The following HPSE2 variants were observed in gnomAD, a reference collection of about 807,000 sequenced individuals.
HPSE2 encodes the protein inactive heparanase-2.
Under a neutral mutation model 60.5 loss-of-function variants are expected in HPSE2, and 38 were observed. The observed-to-expected ratio is 0.63, with a 90% CI of 0.48 to 0.82. The LOEUF is 0.82. Among genes scored for constraint, HPSE2 ranks in the 40% least tolerant of loss-of-function variants. The pLI, the probability that HPSE2 is intolerant of heterozygous loss-of-function variation, is 0.00. For missense variants in HPSE2, 713 were observed against 740.4 expected (o/e 0.96, Z 0.43); for synonymous variants, 295 against 293.2 (o/e 1.01, Z -0.06).
At chr10:98,818,283 C>T (rs1951338496) in intron 3 of HPSE2, among the ~76,000 whole-genome samples, 1 of 152,132 alleles carries the variant, frequency 6.6e-6, no homozygotes, top group Non-Finnish European at 1.5e-5. Flanking sequence ...TCTTGGAAGA[C>T]AATTTTTTCC....
At chr10:98,798,775 A>G (rs1160597183) in intron 3 of HPSE2, among the ~76,000 whole-genome samples, 1 of 152,184 alleles carries the variant, frequency 6.6e-6, no homozygotes, top group Non-Finnish European at 1.5e-5. Flanking sequence ...GTATCACCAG[A>G]GAAAATCACC....
intron 3 of HPSE2, among the ~76,000 whole-genome samples, chr10:98,796,581 C>T (rs774116633): frequency 2.0e-5 from 3 of 152,176 alleles, no homozygotes; most frequent in Non-Finnish European, 4.4e-5. Flanking sequence ...CTGAACCTGC[C>T]TGGGGTCTGG....
chr10:98,567,215 G>A (rs1944372152), intron 9 of HPSE2, among the ~76,000 whole-genome samples: 1 of 152,218 alleles, frequency 6.6e-6, no homozygotes, highest in Non-Finnish European at 1.5e-5. Context: ...GAGACAGGAT[G>A]AGGTGTAAGG....
Position 98,641,988 on chromosome 10 carries a change from T to C in HPSE2, c.1005-48A>G, listed in dbSNP as rs693656. 0.25 allele frequency: 367,192 copies of C among 1,473,170 alleles called. 51,746 individuals carry two copies. The highest frequency in any genetic ancestry group is 0.52 in the East Asian group (23,184 of 44,172). 91.3% of individuals were successfully genotyped at this position (1,473,170 alleles called of 1,614,324 possible). On this transcript the variant is annotated intron_variant, in intron 6 of 11. Coordinates refer to ENST00000370552, the MANE Select transcript of HPSE2 (RefSeq NM_021828.5). ...ATCAGATAAAATCTCAAGCAAGGGA[T>C]TATAAATACACTTCTCTAGCCCAAG...
At chr10:98,546,634 A>G (rs1358651056) in intron 9 of HPSE2, among the ~76,000 whole-genome samples, 2 of 151,156 alleles carry the variant, frequency 1.3e-5, no homozygotes, top group African/African-American at 2.4e-5. Context: ...CCTTCCTTAC[A>G]CCTTACACAA....
At chr10:98,527,908 C>T (rs376796146) in intron 9 of HPSE2, among the ~76,000 whole-genome samples, 15 of 152,134 alleles carry the variant, frequency 9.9e-5, no homozygotes, top group South Asian at 2.1e-4. Context: ...TCTACAGCCA[C>T]GGAGCTAATG....
At chr10:99,249,822 G>A in the HPSE2 span, among the ~76,000 whole-genome samples, 1 of 152,086 alleles carries the variant, frequency 6.6e-6, no homozygotes, top group African/African-American at 2.4e-5. Flanking sequence ...GTGATAGTGG[G>A]TGAGTTCTCA....
intron 5 of HPSE2, among the ~76,000 whole-genome samples, chr10:98,703,793 C>G (rs1431450712): frequency 3.9e-5 from 6 of 152,196 alleles, no homozygotes; most frequent in African/African-American, 1.4e-4. Flanking sequence ...CTATGTGTGA[C>G]AAACCTACAG....
chr10:98,910,937 C>A (rs1953960521), intron 3 of HPSE2, among the ~76,000 whole-genome samples: 1 of 152,168 alleles, frequency 6.6e-6, no homozygotes, highest in African/African-American at 2.4e-5. Flanking sequence ...CACCCTCTAT[C>A]TGAGGAAATT....
intron 8 of HPSE2, among the ~76,000 whole-genome samples, chr10:98,617,736 G>T (rs1462030567): frequency 6.6e-6 from 1 of 152,076 alleles, no homozygotes; most frequent in Non-Finnish European, 1.5e-5. Context: ...ATGCTACCCT[G>T]CCATTATTTT....
At chr10:99,014,449 G>A (rs1323905408) in intron 3 of HPSE2, among the ~76,000 whole-genome samples, 1 of 152,060 alleles carries the variant, frequency 6.6e-6, no homozygotes, top group Non-Finnish European at 1.5e-5. Context: ...AGAATGCTTT[G>A]TATTCCTTTG....
chr10:99,294,322 GTTTATGTA>G, the HPSE2 span, among the ~76,000 whole-genome samples: 3 of 146,898 alleles, frequency 2.0e-5, no homozygotes, highest in Non-Finnish European at 3.0e-5. Flanking sequence ...TGTGCTATAT[GTTTATGTA>G]TTTATATATT....
intron 3 of HPSE2, among the ~76,000 whole-genome samples, chr10:98,764,470 A>G (rs1224055282): frequency 6.6e-6 from 1 of 152,228 alleles, no homozygotes; most frequent in Admixed American, 6.5e-5. Context: ...ACCAAAAAGT[A>G]CAAACTTGTT....
intron 5 of HPSE2, among the ~76,000 whole-genome samples, chr10:98,697,751 C>T (rs1206700986): frequency 1.3e-5 from 2 of 152,042 alleles, no homozygotes; most frequent in Non-Finnish European, 2.9e-5. Flanking sequence ...TTAAGGGCAG[C>T]CAGAGAGAAA....
At chr10:98,864,595 A>C (rs1952542127) in intron 3 of HPSE2, among the ~76,000 whole-genome samples, 1 of 152,190 alleles carries the variant, frequency 6.6e-6, no homozygotes, top group East Asian at 1.9e-4. Context: ...TAGTCTCATT[A>C]AGTCCACACA....
At chr10:99,300,274 G>C in the HPSE2 span, among the ~76,000 whole-genome samples, 1 of 152,122 alleles carries the variant, frequency 6.6e-6, no homozygotes, top group Non-Finnish European at 1.5e-5. Context: ...ACCCATAATG[G>C]CCAAGAAGGT....
intron 9 of HPSE2, among the ~76,000 whole-genome samples, chr10:98,553,817 T>G (rs946244324): frequency 6.6e-6 from 1 of 152,228 alleles, no homozygotes; most frequent in Non-Finnish European, 1.5e-5. Context: ...TCTATGGCTC[T>G]TCCTGTGCTG....
At chr10:99,299,941 GAACAA>G in the HPSE2 span, among the ~76,000 whole-genome samples, 6 of 148,298 alleles carry the variant, frequency 4.0e-5, no homozygotes, top group Non-Finnish European at 5.9e-5. Context: ...CTATAAAAGG[GAACAA>G]TGGGACCCCA....
chr10:98,746,413 TTAC>T (rs1372177484), intron 3 of HPSE2, among the ~76,000 whole-genome samples: 1 of 151,982 alleles, frequency 6.6e-6, no homozygotes, highest in Non-Finnish European at 1.5e-5. Context: ...TTTACATGCT[TTAC>T]TATTCAACAT....
Sources: gnomAD v4.1 joint callset for allele counts (sites outside exome capture counted in the v4.1 genomes callset) on GRCh38, gnomAD v4.1.1 for gene constraint, MANE v1.5 for transcripts, NCBI Gene and HGNC (gene_info 2026-07-23, HGNC 2026-07-21) for gene names.